SOX6: variants seen among roughly 807,000 people sequenced by gnomAD.
SOX6 encodes the protein transcription factor SOX-6.
A neutral mutation model predicts 97.8 loss-of-function variants in SOX6; 11 were observed. The ratio of observed to expected loss-of-function variants is 0.11; its 90% CI spans 0.07 to 0.19. The LOEUF (loss-of-function observed/expected upper bound fraction) is 0.19, where lower values mean the gene tolerates loss of function less well. Ranked by LOEUF, SOX6 falls within the 10% of genes least tolerant of loss-of-function variation. The pLI is 1.00. For missense variants in SOX6, 810 were observed against 1,039.5 expected, an observed-to-expected ratio of 0.78 and a Z score of 3.04; for synonymous variants, 360 against 371.4, an observed-to-expected ratio of 0.97 and a Z score of 0.35.
intron 4 of SOX6, among the ~76,000 whole-genome samples, chr11:16,207,169 C>T (rs1852094312): frequency 6.6e-6 from 1 of 152,096 alleles, no homozygotes; most frequent in African/African-American, 2.4e-5. Context: ...ACTCTTCTAC[C>T]CATCTTTCCA....
chr11:16,505,604 T>C (rs1371949483), intron 4 of SOX6, among the ~76,000 whole-genome samples: 5 of 152,176 alleles, frequency 3.3e-5, no homozygotes, highest in Non-Finnish European at 7.4e-5. Context: ...AGGATCTGAA[T>C]GTTAACAGCC....
At chr11:16,569,958 T>C (rs139584883) in intron 4 of SOX6, among the ~76,000 whole-genome samples, 1 of 151,648 alleles carries the variant, frequency 6.6e-6, no homozygotes, top group African/African-American at 2.4e-5. Context: ...CCTTCATAAT[T>C]ATAACCAGTT....
At chr11:16,333,049 G>A (rs1157916950) in intron 2 of SOX6, among the ~76,000 whole-genome samples, 3 of 152,110 alleles carry the variant, frequency 2.0e-5, no homozygotes, top group African/African-American at 4.8e-5. Context: ...ACTGAATAAC[G>A]AGAGACAGCC....
At chr11:16,430,085 T>A (rs1234980918) in intron 1 of SOX6, among the ~76,000 whole-genome samples, 2 of 152,220 alleles carry the variant, frequency 1.3e-5, no homozygotes, top group Non-Finnish European at 2.9e-5. Flanking sequence ...AGCTTTGGCC[T>A]CACTATCAAT....
chr11:16,602,575 C>T (rs934755653), intron 4 of SOX6, among the ~76,000 whole-genome samples: 1 of 152,162 alleles, frequency 6.6e-6, no homozygotes, highest in African/African-American at 2.4e-5. Context: ...GAAGATACTT[C>T]CAAAACTGCA....
At chr11:16,354,740 T>C (rs1215715238) in intron 1 of SOX6, among the ~76,000 whole-genome samples, 1 of 152,040 alleles carries the variant, frequency 6.6e-6, no homozygotes, top group Non-Finnish European at 1.5e-5. Flanking sequence ...CCTTGCAGTA[T>C]ACTAAAATTG....
intron 4 of SOX6, among the ~76,000 whole-genome samples, chr11:16,204,956 TA>T (rs150449058): frequency 4.6e-5 from 7 of 151,590 alleles, no homozygotes; most frequent in Non-Finnish European, 8.9e-5. Flanking sequence ...TTCCTCTTTT[TA>T]AAAAAAAATC....
intron 6 of SOX6, among the ~76,000 whole-genome samples, chr11:16,159,782 A>G (rs1292721502): frequency 6.6e-6 from 1 of 152,190 alleles, no homozygotes; most frequent in African/African-American, 2.4e-5. Context: ...ACTTTTGATA[A>G]GTCTGTTTCT....
chr11:16,455,467 CA>C (rs1859794995), intron 1 of SOX6, among the ~76,000 whole-genome samples: 1 of 151,980 alleles, frequency 6.6e-6, no homozygotes, highest in South Asian at 2.1e-4. Flanking sequence ...CTCTTCAACG[CA>C]GAAAATCTGA....
chr11:16,484,796 C>A, intron 4 of SOX6: 1 of 326,472 alleles, frequency 3.1e-6, no homozygotes, highest in East Asian at 6.6e-5. Flanking sequence ...CTGCATGACT[C>A]TTTACCAAGA....
intron 4 of SOX6, among the ~76,000 whole-genome samples, chr11:16,583,618 T>TATATATATATATATATAC (rs1565186411): frequency 3.2e-4 from 40 of 125,940 alleles, no homozygotes; most frequent in Non-Finnish European, 5.0e-4. Context: ...TATATACATA[T>TATATATATATATATATAC]ATATATATAT....
intron 9 of SOX6, among the ~76,000 whole-genome samples, chr11:16,070,842 T>G (rs1157759650): frequency 1.3e-5 from 2 of 152,146 alleles, no homozygotes; most frequent in African/African-American, 4.8e-5. Flanking sequence ...CCTAACCCCC[T>G]ATATCCCTCC....
intron 1 of SOX6, among the ~76,000 whole-genome samples, chr11:16,384,895 T>C (rs1456523049): frequency 6.6e-6 from 1 of 152,050 alleles, no homozygotes; most frequent in Non-Finnish European, 1.5e-5. Flanking sequence ...GTACAATTAA[T>C]AGAGAAAATG....
At chr11:16,105,887 A>G (rs2133986934) in intron 7 of SOX6, among the ~76,000 whole-genome samples, 1 of 152,276 alleles carries the variant, frequency 6.6e-6, no homozygotes, top group South Asian at 2.1e-4. Flanking sequence ...CGCAAGTATC[A>G]GCTGTGTTTC....
intron 3 of SOX6, among the ~76,000 whole-genome samples, chr11:16,688,581 A>C (rs543712239): frequency 1.3e-5 from 2 of 152,160 alleles, no homozygotes; most frequent in African/African-American, 2.4e-5. Flanking sequence ...GACTTTTTGA[A>C]ATCTCATTGT....
At chr11:16,080,156 T>C (rs980007692) in intron 9 of SOX6, among the ~76,000 whole-genome samples, 3 of 151,374 alleles carry the variant, frequency 2.0e-5, no homozygotes, top group East Asian at 1.9e-4. Flanking sequence ...ATTACCTTGA[T>C]TGACTCTTTC....
In SOX6 at chr11:16,605,240, G is replaced by A. The variant is rs1373893526; in HGVS notation, n.609+6841C>T. On this transcript the variant is annotated intron_variant and non_coding_transcript_variant, in intron 4 of 5. Coordinates refer to the SOX6 transcript ENST00000524520. This position sits in a 1 kb window ranked among gnomAD's most constrained non-coding sequence, Gnocchi z 5.3. ...CGCCGGCTGGGCTCAGGGACGCGGGGCGGGGAAGAAACGTGCCGGCGACCG... is the reference window on the plus strand; with the variant it reads ...CGCCGGCTGGGCTCAGGGACGCGGGACGGGGAAGAAACGTGCCGGCGACCG... Among the ~76,000 whole-genome samples the A allele has an allele frequency of 6.6e-6, 1 of 152,034 alleles. No homozygotes were observed. Among genetic ancestry groups the A allele is most frequent in the Non-Finnish European group, 1.5e-5 (1 of 67,982 alleles).
chr11:16,143,656 G>C (rs1255323959), intron 6 of SOX6, among the ~76,000 whole-genome samples: 2 of 152,044 alleles, frequency 1.3e-5, no homozygotes, highest in African/African-American at 4.8e-5. Context: ...GATGGAGGAA[G>C]ATCTACCAAG....
At chr11:15,974,551 C>T (rs1178741565) in intron 15 of SOX6, among the ~76,000 whole-genome samples, 3 of 129,930 alleles carry the variant, frequency 2.3e-5, no homozygotes, top group African/African-American at 9.3e-5. Flanking sequence ...TCCCCCGACC[C>T]GACCACAGTC....
Sources: allele counts gnomAD v4.1 joint callset (sites outside exome capture counted in the v4.1 genomes callset), GRCh38; gene constraint gnomAD v4.1.1; non-coding constraint Gnocchi (gnomAD v3.1); transcripts MANE v1.5; gene names NCBI Gene and HGNC (gene_info 2026-07-23, HGNC 2026-07-21).